OPCML: variants seen among roughly 807,000 people sequenced by gnomAD.
OPCML encodes the protein opioid binding protein/cell adhesion molecule like.
Under a neutral mutation model 37.8 loss-of-function variants are expected in OPCML, and 13 were observed. The observed-to-expected ratio is 0.34, with a 90% CI of 0.22 to 0.55. The LOEUF is 0.55. Ranked by LOEUF, OPCML falls within the 20% of genes least tolerant of loss-of-function variation. The probability of loss-of-function intolerance (pLI) is 0.91; values close to 1 mark genes in which losing one functional copy is unlikely to be tolerated. For missense variants in OPCML, 341 were observed against 435.6 expected, an observed-to-expected ratio of 0.78 and a Z score of 1.93; for synonymous variants, 176 against 168.8, an observed-to-expected ratio of 1.04 and a Z score of -0.33.
intron 4 of OPCML, among the ~76,000 whole-genome samples, chr11:132,486,137 C>A (rs924485207): frequency 1.3e-5 from 2 of 152,144 alleles, no homozygotes; most frequent in African/African-American, 4.8e-5. Flanking sequence ...AAAGCTTGGT[C>A]CTCAAATCTT....
intron 2 of OPCML, among the ~76,000 whole-genome samples, chr11:132,792,586 G>C (rs1937994428): frequency 6.6e-6 from 1 of 152,138 alleles, no homozygotes; most frequent in African/African-American, 2.4e-5. Flanking sequence ...CATTTCCATA[G>C]GTTCCTTTAA....
chr11:132,679,032 T>C (rs1942828886), intron 2 of OPCML, among the ~76,000 whole-genome samples: 1 of 152,066 alleles, frequency 6.6e-6, no homozygotes, highest in South Asian at 2.1e-4. Flanking sequence ...CTAAAACTGC[T>C]CTAAAAATAA....
At position 132,710,880 on chromosome 11, in the gene OPCML, G is replaced by T. The variant is rs139634075; in HGVS notation, c.147-53561C>A. On this transcript the variant is annotated intron_variant, in intron 2 of 7. Transcript: ENST00000524381. ...AAAAAAGAAAGAAAGAAAGAAAAAGGAAAAAAAGTGAAGAATCAAGAAAGG... is the reference window on the plus strand; with the variant it reads ...AAAAAAGAAAGAAAGAAAGAAAAAGTAAAAAAAGTGAAGAATCAAGAAAGG... Among the ~76,000 whole-genome samples the T allele has an allele frequency of 5.3e-4, 81 of 151,826 alleles. No homozygotes were observed. In the East Asian group the frequency reaches 0.014, roughly 27 times the overall value.
intron 2 of OPCML, among the ~76,000 whole-genome samples, chr11:132,867,076 T>C (rs754925602): frequency 6.6e-6 from 1 of 152,222 alleles, no homozygotes; most frequent in Non-Finnish European, 1.5e-5. Context: ...TTATAACAGG[T>C]AATAATTTGA....
intron 1 of OPCML, among the ~76,000 whole-genome samples, chr11:133,122,784 C>A (rs1949441646): frequency 6.6e-6 from 1 of 152,164 alleles, no homozygotes; most frequent in Non-Finnish European, 1.5e-5. Flanking sequence ...ATTCAACATA[C>A]CTGCTGTCCC....
At chr11:133,165,879 G>T (rs1230181584) in intron 1 of OPCML, among the ~76,000 whole-genome samples, 3 of 152,120 alleles carry the variant, frequency 2.0e-5, no homozygotes, top group Admixed American at 1.3e-4. Flanking sequence ...TCTGACCTAG[G>T]ACACCACAAC....
rs182973544 is a variant in OPCML, at chr11:132,595,553, A to C, written c.379+61534T>G. ...TTTCAGCCCTGGGAGCTGCCTGTAG[A>C]CAATCAACTACTGCACTGGAAAGGT... On this transcript the variant is annotated intron_variant, in intron 3 of 7. Coordinates refer to ENST00000524381, the MANE Select transcript of OPCML (RefSeq NM_001012393.5). Among the ~76,000 whole-genome samples, 1,013 of 152,304 alleles carry C rather than the reference A, an allele frequency of 6.7e-3. 7 individuals are homozygous for C. The highest frequency in any genetic ancestry group is 9.6e-3 in the Non-Finnish European group (654 of 68,032).
intron 4 of OPCML, among the ~76,000 whole-genome samples, chr11:132,485,373 T>G (rs1295255858): frequency 6.6e-6 from 1 of 152,202 alleles, no homozygotes; most frequent in Non-Finnish European, 1.5e-5. Flanking sequence ...GTTTGTTTGT[T>G]TGTTTGTTTT....
At chr11:132,496,625 C>T (rs147085463) in intron 4 of OPCML, among the ~76,000 whole-genome samples, 4 of 152,296 alleles carry the variant, frequency 2.6e-5, no homozygotes, top group African/African-American at 9.6e-5. Context: ...GAGCTCTCAT[C>T]ACTCAATAAA....
chr11:132,584,749 C>T (rs979652582), intron 3 of OPCML, among the ~76,000 whole-genome samples: 1 of 152,088 alleles, frequency 6.6e-6, no homozygotes, highest in African/African-American at 2.4e-5. Flanking sequence ...AAACTTTAGA[C>T]AAGTTAAATG....
intron 4 of OPCML, among the ~76,000 whole-genome samples, chr11:132,513,352 T>C (rs921445865): frequency 2.0e-5 from 3 of 152,164 alleles, no homozygotes; most frequent in Admixed American, 1.3e-4. Flanking sequence ...ACTATTTTAC[T>C]ACCTGTTATG....
At chr11:132,720,205 T>G (rs1944629879) in intron 2 of OPCML, among the ~76,000 whole-genome samples, 1 of 152,212 alleles carries the variant, frequency 6.6e-6, no homozygotes, top group African/African-American at 2.4e-5. Flanking sequence ...TGTTTTGGCC[T>G]GATAGGATGG....
intron 3 of OPCML, among the ~76,000 whole-genome samples, chr11:132,565,965 G>A (rs1038076599): frequency 2.6e-5 from 4 of 152,184 alleles, no homozygotes; most frequent in Non-Finnish European, 4.4e-5. Context: ...CCCAGGAGGT[G>A]GAGGTTGCAG....
intron 4 of OPCML, among the ~76,000 whole-genome samples, chr11:132,478,651 A>T (rs1286583292): frequency 6.6e-6 from 1 of 152,244 alleles, no homozygotes; most frequent in Non-Finnish European, 1.5e-5. Flanking sequence ...CCATTTAATG[A>T]CTTGTTAAAT....
At chr11:133,529,481 G>A (rs553751749) in intron 1 of OPCML, among the ~76,000 whole-genome samples, 1 of 152,272 alleles carries the variant, frequency 6.6e-6, no homozygotes. Flanking sequence ...CCCTGTCTTG[G>A]GTGTGGGCTC....
chr11:133,082,269 GCTGGAGT>G (rs1948735442), intron 1 of OPCML, among the ~76,000 whole-genome samples: 1 of 151,614 alleles, frequency 6.6e-6, no homozygotes, highest in Admixed American at 6.6e-5. Flanking sequence ...CAGCTCCCGC[GCTGGAGT>G]CTTGGGGCCT....
chr11:132,901,464 C>T (rs1375250628), intron 2 of OPCML, among the ~76,000 whole-genome samples: 2 of 152,172 alleles, frequency 1.3e-5, no homozygotes, highest in African/African-American at 2.4e-5. Flanking sequence ...AATAGCCCAG[C>T]GTTGCACTTG....
intron 2 of OPCML, among the ~76,000 whole-genome samples, chr11:132,796,765 A>T (rs1351211272): frequency 1.3e-5 from 2 of 151,540 alleles, no homozygotes; most frequent in Non-Finnish European, 2.9e-5. Flanking sequence ...TTTTTAGTAG[A>T]GACGGGGTTT....
At chr11:133,220,767 T>A (rs1939782739) in intron 1 of OPCML, among the ~76,000 whole-genome samples, 2 of 152,106 alleles carry the variant, frequency 1.3e-5, no homozygotes, top group South Asian at 4.2e-4. Context: ...CCTCTTCCAT[T>A]TTCAAGCTCT....
Sources: gnomAD v4.1 joint callset for allele counts (sites outside exome capture counted in the v4.1 genomes callset) on GRCh38, gnomAD v4.1.1 for gene constraint, MANE v1.5 for transcripts, NCBI Gene and HGNC (gene_info 2026-07-23, HGNC 2026-07-21) for gene names.